The following DPF1 variants were observed in gnomAD, a reference collection of about 807,000 sequenced individuals.
DPF1 encodes double PHD fingers 1, also known as zinc finger protein neuro-d4.
In DPF1, 14 loss-of-function variants were observed where a neutral mutation model predicts 58.7. That is an observed-to-expected ratio of 0.24 (90% CI 0.16 to 0.37). The LOEUF (loss-of-function observed/expected upper bound fraction) is 0.37, where lower values mean the gene tolerates loss of function less well. Ranked by LOEUF, DPF1 falls within the 10% of genes least tolerant of loss-of-function variation. DPF1 has a pLI of 1.00. For synonymous variants in DPF1, 216 were observed against 216.0 expected, an observed-to-expected ratio of 1.00 and a Z score of 0.00; for missense variants, 345 against 529.9, an observed-to-expected ratio of 0.65 and a Z score of 3.43.
upstream of DPF1, among the ~76,000 whole-genome samples, chr19:38,228,510 G>A (rs1967921413): frequency 6.6e-6 from 1 of 150,762 alleles, no homozygotes; most frequent in African/African-American, 2.4e-5. Context: ...GACGCCGCGG[G>A]CGCTCGCCCT....
At position 38,229,472 on chromosome 19, in the gene DPF1, G is replaced by C. The variant is rs1967960047; in HGVS notation, c.-132+87C>G. The C allele has an allele frequency of 1.2e-5, 9 of 747,194 alleles. No homozygotes were observed. The highest frequency in any genetic ancestry group is 1.5e-5 in the Non-Finnish European group (9 of 590,092). 46.3% of individuals were successfully genotyped at this position (747,194 alleles called of 1,614,324 possible). A position where few individuals can be genotyped will look rare whatever the true frequency, so the allele number is the denominator to read the frequency against. On this transcript the variant is annotated intron_variant, in intron 1 of 11. Coordinates refer to the DPF1 transcript ENST00000412732. This position sits in a 1 kb window ranked among gnomAD's most constrained non-coding sequence, Gnocchi z 5.3. ...CATTCAACTACGGTCCGCGCGCTGCGTCCCCCTCCTCAGCCCCAGGGCGGG... is the reference window on the plus strand; with the variant it reads ...CATTCAACTACGGTCCGCGCGCTGCCTCCCCCTCCTCAGCCCCAGGGCGGG...
chr19:38,215,765 T>G (rs1377313670), intron 9 of DPF1, among the ~76,000 whole-genome samples: 1 of 152,124 alleles, frequency 6.6e-6, no homozygotes, highest in Non-Finnish European at 1.5e-5. Flanking sequence ...GATGGGGGTC[T>G]TGCTATGTTG....
At position 38,212,366 on chromosome 19, in the gene DPF1, G is replaced by A; in HGVS notation, c.1012-5C>T. The A allele has an allele frequency of 2.0e-6, 3 of 1,468,206 alleles. No individual in the cohort carries two copies. The highest frequency in any genetic ancestry group is 2.7e-6 in the Non-Finnish European group (3 of 1,110,716). 90.9% of individuals were successfully genotyped at this position (1,468,206 alleles called of 1,614,324 possible). On this transcript the variant is annotated splice_polypyrimidine_tract_variant and splice_region_variant and intron_variant, in intron 10 of 11. Transcript: ENST00000355526. ...ATCACAAAACAGCAGCTGGTCCTGG[G>A]GGGTGAGACCCGCCCAGCTGGCACC...
At chr19:38,221,775 C>A (rs959367831) in intron 3 of DPF1, among the ~76,000 whole-genome samples, 2 of 152,050 alleles carry the variant, frequency 1.3e-5, no homozygotes, top group East Asian at 1.9e-4. Flanking sequence ...CATAGTAACA[C>A]CCTGCCTCTA....
chr19:38,221,992 C>T (rs967025818), intron 3 of DPF1, among the ~76,000 whole-genome samples: 2 of 152,086 alleles, frequency 1.3e-5, no homozygotes, highest in African/African-American at 2.4e-5. Flanking sequence ...GAGGCAGAAT[C>T]GCTTGAACCT....
intron 3 of DPF1, among the ~76,000 whole-genome samples, chr19:38,221,868 G>A (rs544938540): frequency 3.7e-4 from 56 of 152,178 alleles, no homozygotes; most frequent in Non-Finnish European, 1.0e-4. Context: ...GATCACCTGA[G>A]GTCAGGAGTT....
chr19:38,229,633 C>G lies in DPF1; in HGVS notation c.-206G>C, dbSNP rs1967966720. The G allele has an allele frequency of 2.0e-6, 2 of 999,768 alleles. No homozygotes were observed. The allele number at this position is 999,768 out of a possible 1,614,324, so 61.9% of individuals were successfully genotyped here. On this transcript the variant is annotated 5_prime_UTR_variant, in exon 1 of 12. Transcript: ENST00000412732. The surrounding 1 kb of genome is among the most constrained non-coding windows in gnomAD (Gnocchi z 5.3). Reference sequence around the variant, plus strand: ...CGCCTCCGGCCCGGGGCGCCGCTGCCGCCGCGCGCGGGCCCAGCCCGGCCT... The same window carrying G: ...CGCCTCCGGCCCGGGGCGCCGCTGCGGCCGCGCGCGGGCCCAGCCCGGCCT...
chr19:38,222,346 G>T lies in DPF1; in HGVS notation c.298+11C>A. On this transcript the variant is annotated intron_variant, in intron 3 of 11. Transcript: ENST00000355526. This position sits in a 1 kb window ranked among gnomAD's most constrained non-coding sequence, Gnocchi z 4.9. ...TGGGACACCGATGGGGGCCCCAGCG[G>T]CTGCACCCACCGATCTTGTACTCGC... The T allele has an allele frequency of 1.3e-6, 2 of 1,588,246 alleles. No homozygotes were observed. The highest frequency in any genetic ancestry group is 1.7e-4 in the Middle Eastern group (1 of 5,972).
At chr19:38,214,304 G>T (rs1452923206) in intron 9 of DPF1, among the ~76,000 whole-genome samples, 1 of 152,202 alleles carries the variant, frequency 6.6e-6, no homozygotes, top group Non-Finnish European at 1.5e-5. Context: ...GCCAGGCTTA[G>T]TCATTCCACA....
In DPF1 at chr19:38,222,737, T is replaced by C. The variant is rs2146206727; in HGVS notation, c.30-29A>G. On this transcript the variant is annotated intron_variant, in intron 1 of 11. Coordinates refer to ENST00000355526, the MANE Select transcript of DPF1 (RefSeq NM_001135155.3). This position sits in a 1 kb window ranked among gnomAD's most constrained non-coding sequence, Gnocchi z 4.9. ...GAGGGGCGGCGAACGGGCGGGCGGCTGTCAGCAAGGGCAGGCGCACAGGGT... is the reference window on the plus strand; with the variant it reads ...GAGGGGCGGCGAACGGGCGGGCGGCCGTCAGCAAGGGCAGGCGCACAGGGT... 2 of 1,553,146 alleles carry C rather than the reference T, an allele frequency of 1.3e-6. No individual in the cohort carries two copies. The highest frequency in any genetic ancestry group is 2.5e-5 in the East Asian group (1 of 40,630).
At chr19:38,213,507 G>T in intron 10 of DPF1, 137 bp downstream of exon 10, 2 of 720,078 alleles carry the variant, frequency 2.8e-6, no homozygotes, top group Non-Finnish European at 4.7e-6. Context: ...TCGATTTATG[G>T]ACACCGGCAT....
chr19:38,218,949 C>T lies in DPF1; in HGVS notation c.408G>A (p.Glu136=), dbSNP rs150758423. Residue 136 remains glutamate (E), a synonymous_variant, in exon 4 of 12, where the codon GAG becomes GAA. Coordinates refer to ENST00000355526, the MANE Select transcript of DPF1 (RefSeq NM_001135155.3). ...GEKKIELKEE[E]TIMDCQKQQL... ...GGCCCACCTGACAGTCCATAATGGT[C>T]TCCTCCTCCTTCAGCTCAATCTTCT... The T allele has an allele frequency of 1.9e-5, 30 of 1,613,344 alleles. No homozygotes were observed. In the African/African-American group the frequency reaches 3.7e-4, roughly 20 times the overall value.
At chr19:38,216,431 C>A (rs201719004) in intron 7 of DPF1, 28 bp from the exon 8 acceptor site, 583 of 1,557,598 alleles carry the variant, frequency 3.7e-4, no homozygotes, top group Non-Finnish European at 3.6e-4. Flanking sequence ...GAGAGAGGGA[C>A]TCTCACCACA....
rs1967953307 is a variant in DPF1 at position 38,229,337 on chromosome 19, C to T, written c.-132+222G>A. ...AGCCCGCGCCGCATTCCTTCACTGA[C>T]AGCGACAAAGAAGAGGCGCCCCCGC... is the stretch of plus-strand genomic sequence containing the variant. On this transcript the variant is annotated intron_variant, in intron 1 of 11. Transcript: ENST00000412732. The surrounding 1 kb of genome is among the most constrained non-coding windows in gnomAD (Gnocchi z 5.3). 6.6e-6 allele frequency among the ~76,000 whole-genome samples: 1 copy of T among 152,040 alleles called. No individual in the cohort carries two copies. The highest frequency in any genetic ancestry group is 2.4e-5 in the African/African-American group (1 of 41,448).
At chr19:38,221,585 G>A (rs1386730838) in intron 3 of DPF1, among the ~76,000 whole-genome samples, 1 of 151,598 alleles carries the variant, frequency 6.6e-6, no homozygotes, top group Admixed American at 6.6e-5. Flanking sequence ...CAGTTCCCAG[G>A]GGAAGGGACA....
At chr19:38,214,219 T>C (rs1003217466) in intron 9 of DPF1, among the ~76,000 whole-genome samples, 2 of 151,974 alleles carry the variant, frequency 1.3e-5, no homozygotes, top group African/African-American at 4.8e-5. Flanking sequence ...CACACTTCGG[T>C]TTCATGCAAC....
rs868445455 is a variant in DPF1, at chr19:38,212,202, G to T, written c.1094-69C>A. The T allele has an allele frequency of 4.3e-6, 5 of 1,173,482 alleles. No homozygotes were observed. The African/African-American group carries it at 7.6e-5, about 18-fold the overall frequency. The allele number at this position is 1,173,482 out of a possible 1,614,324, so 72.7% of individuals were successfully genotyped here. On this transcript the variant is annotated intron_variant, in intron 11 of 11. Transcript: ENST00000355526. ...GGCTGCCCCAGCCCCTTCCCACCCC[G>T]AGGACACACAGTCTTCCACAACCAG...
At chr19:38,223,009 TCA>T (rs1179868814) in intron 1 of DPF1, 22 of 384,384 alleles carry the variant, frequency 5.7e-5, no homozygotes, top group African/African-American at 4.1e-4. Flanking sequence ...ACAACACAAA[TCA>T]CACACAGTCA....
chr19:38,226,475 C>G (rs540978481), upstream of DPF1, among the ~76,000 whole-genome samples: 4 of 149,820 alleles, frequency 2.7e-5, no homozygotes, highest in East Asian at 7.9e-4. Context: ...GAGATCCAGT[C>G]AAGGCCTCCT....
Sources: gnomAD v4.1 joint callset for allele counts (sites outside exome capture counted in the v4.1 genomes callset) on GRCh38, gnomAD v4.1.1 for gene constraint, Gnocchi (gnomAD v3.1) non-coding constraint, MANE v1.5 for transcripts, NCBI Gene and HGNC (gene_info 2026-07-23, HGNC 2026-07-21) for gene names.